The following PARP11 variants were observed in gnomAD, a reference collection of about 807,000 sequenced individuals.
PARP11 encodes the protein protein mono-ADP-ribosyltransferase PARP11.
Under a neutral mutation model 42.9 loss-of-function variants are expected in PARP11, and 31 were observed. That is an observed-to-expected ratio of 0.72 (90% confidence interval 0.54 to 0.98). The LOEUF (loss-of-function observed/expected upper bound fraction) is 0.98, where lower values mean the gene tolerates loss of function less well. PARP11 is among the 50% of genes least tolerant of loss of function. The pLI, the probability that PARP11 is intolerant of heterozygous loss-of-function variation, is 0.00. For missense variants in PARP11, 365 were observed against 413.1 expected, an observed-to-expected ratio of 0.88 and a Z score of 1.01; for synonymous variants, 137 against 127.3, an observed-to-expected ratio of 1.08 and a Z score of -0.51.
intron 1 of PARP11, among the ~76,000 whole-genome samples, chr12:3,838,349 A>T (rs1947807112): frequency 6.6e-6 from 1 of 152,130 alleles, no homozygotes; most frequent in African/African-American, 2.4e-5. Flanking sequence ...CTCCAAAATG[A>T]CCAACTAGCC....
intron 1 of PARP11, among the ~76,000 whole-genome samples, chr12:3,869,189 C>T (rs982758514): frequency 1.3e-5 from 2 of 152,156 alleles, no homozygotes; most frequent in Non-Finnish European, 2.9e-5. Flanking sequence ...ATCTCTTTAT[C>T]TTAAGGTCAG....
chr12:3,853,370 G>A (rs1259822011), intron 1 of PARP11, among the ~76,000 whole-genome samples: 4 of 152,160 alleles, frequency 2.6e-5, no homozygotes, highest in Non-Finnish European at 5.9e-5. Flanking sequence ...ACCCATCAGT[G>A]TGCTGCATTC....
intron 1 of PARP11, among the ~76,000 whole-genome samples, chr12:3,851,631 C>T (rs756814035): frequency 9.9e-5 from 15 of 152,138 alleles, no homozygotes; most frequent in East Asian, 3.9e-4. Context: ...TGGAGCCCAC[C>T]GCAACTCAAT....
At chr12:3,868,344 T>C (rs1948424637) in intron 1 of PARP11, among the ~76,000 whole-genome samples, 1 of 152,084 alleles carries the variant, frequency 6.6e-6, no homozygotes, top group East Asian at 1.9e-4. Flanking sequence ...TGTGTAGTTC[T>C]AGCTACTCAG....
intron 1 of PARP11, among the ~76,000 whole-genome samples, chr12:3,866,576 ACT>A (rs927760017): frequency 2.6e-5 from 4 of 152,130 alleles, no homozygotes; most frequent in African/African-American, 4.8e-5. Flanking sequence ...CATTATATTC[ACT>A]CTCTGTTGAT....
chr12:3,841,267 C>T (rs749404761), intron 1 of PARP11: 1 of 1,344,984 alleles, frequency 7.4e-7, no homozygotes, highest in Non-Finnish European at 1.1e-6. Flanking sequence ...TAAGAATATT[C>T]TTCGATTCTT....
chr12:3,827,150 A>C (rs183046476), intron 3 of PARP11, among the ~76,000 whole-genome samples: 2 of 152,238 alleles, frequency 1.3e-5, no homozygotes, highest in East Asian at 3.9e-4. Context: ...TTTACTTTTC[A>C]CCATTTTTAT....
intron 6 of PARP11, among the ~76,000 whole-genome samples, chr12:3,816,920 A>G (rs1947299581): frequency 6.6e-6 from 1 of 152,156 alleles, no homozygotes; most frequent in African/African-American, 2.4e-5. Context: ...GGCCAGGCGC[A>G]GAGGCTCACG....
chr12:3,866,572 A>G (rs1195697454), intron 1 of PARP11, among the ~76,000 whole-genome samples: 2 of 152,194 alleles, frequency 1.3e-5, no homozygotes, highest in African/African-American at 4.8e-5. Context: ...ATCCCATTAT[A>G]TTCACTCTCT....
chr12:3,859,218 T>C (rs1009680319), intron 1 of PARP11, among the ~76,000 whole-genome samples: 1 of 152,040 alleles, frequency 6.6e-6, no homozygotes, highest in African/African-American at 2.4e-5. Flanking sequence ...CATTATTATA[T>C]AGATGTGAAT....
chr12:3,856,135 C>A (rs146068966), intron 1 of PARP11, among the ~76,000 whole-genome samples: 2,787 of 152,206 alleles, frequency 0.018, 124 homozygotes, highest in East Asian at 0.14. Context: ...AAGATGGATT[C>A]AAGACTTAAA....
At chr12:3,827,110 G>C (rs553454099) in intron 3 of PARP11, among the ~76,000 whole-genome samples, 2 of 152,308 alleles carry the variant, frequency 1.3e-5, no homozygotes, top group East Asian at 3.9e-4. Context: ...GACCTGTGAT[G>C]CCATCTTCTT....
chr12:3,859,400 T>TA (rs1948257229), intron 1 of PARP11, among the ~76,000 whole-genome samples: 1 of 150,376 alleles, frequency 6.6e-6, no homozygotes, highest in African/African-American at 2.4e-5. Context: ...CTGTCTCTAC[T>TA]AAAATACAAA....
Position 3,814,073 on chromosome 12 carries a change from T to A in PARP11, c.664A>T (p.Arg222Ter). ...ACAGCACCATGTATACCATTTATTC[T>A]CCAATCAAAGTTATGAATGCAGATT... ...EAICIHNFDW[R>*]INGIHGAVFG... The change falls in exon 7 of 8, where the codon AGA becomes TGA. Residue 222 changes from arginine to a stop codon, truncating the protein, a stop_gained. Coordinates refer to ENST00000228820, the MANE Select transcript of PARP11 (RefSeq NM_020367.6). LOFTEE classifies it high-confidence loss of function. The A allele has an allele frequency of 1.2e-6, 2 of 1,605,758 alleles. No homozygotes were observed. The highest frequency in any genetic ancestry group is 1.7e-6 in the Non-Finnish European group (2 of 1,174,760).
At chr12:3,820,353 G>A (rs1246416054) in intron 6 of PARP11, among the ~76,000 whole-genome samples, 1 of 152,174 alleles carries the variant, frequency 6.6e-6, no homozygotes, top group African/African-American at 2.4e-5. Context: ...TAGTTCTTCA[G>A]GATGATGTCA....
At chr12:3,854,812 GC>G (rs1423117577) in intron 1 of PARP11, among the ~76,000 whole-genome samples, 3 of 152,064 alleles carry the variant, frequency 2.0e-5, no homozygotes, top group Non-Finnish European at 4.4e-5. Flanking sequence ...CCAAAGCCTG[GC>G]AGAGAAACAA....
chr12:3,853,844 A>G, intron 1 of PARP11, among the ~76,000 whole-genome samples: 1 of 152,236 alleles, frequency 6.6e-6, no homozygotes, highest in East Asian at 1.9e-4. Flanking sequence ...TCTTCTCAGC[A>G]TCACATTGTA....
At chr12:3,852,242 C>A (rs761695124) in intron 1 of PARP11, among the ~76,000 whole-genome samples, 21 of 152,354 alleles carry the variant, frequency 1.4e-4, no homozygotes, top group Non-Finnish European at 2.9e-4. Flanking sequence ...CAAAGGAACG[C>A]AGCTCCTTGC....
Position 3,810,288 on chromosome 12 carries a change from G to C in PARP11, c.*1835C>G, listed in dbSNP as rs1284198128. Reference sequence around the variant, plus strand: ...CTTGGTATACGTGCTGTCTTTTAAAGGCAGAATCATAGAAAATCAGGCCGG... The same window carrying C: ...CTTGGTATACGTGCTGTCTTTTAAACGCAGAATCATAGAAAATCAGGCCGG... On this transcript the variant is annotated 3_prime_UTR_variant, in exon 8 of 8. Transcript: ENST00000228820. The C allele has an allele frequency of 6.6e-6, 1 of 152,148 alleles. No homozygotes were observed. Among genetic ancestry groups the C allele is most frequent in the Non-Finnish European group, 1.5e-5 (1 of 68,042 alleles). The allele number at this position is 152,148 out of a possible 1,614,324, so 9.4% of individuals were successfully genotyped here. A position where few individuals can be genotyped will look rare whatever the true frequency, so the allele number is the denominator to read the frequency against.
Sources: gnomAD v4.1 joint callset for allele counts (sites outside exome capture counted in the v4.1 genomes callset) on GRCh38, gnomAD v4.1.1 for gene constraint, MANE v1.5 for transcripts, NCBI Gene and HGNC (gene_info 2026-07-23, HGNC 2026-07-21) for gene names.